Variants in RAB38 observed in about 807,000 individuals in gnomAD.
RAB38 encodes ras-related protein Rab-38.
In RAB38, 15 loss-of-function variants were observed where a neutral mutation model predicts 18.4. The observed-to-expected ratio is 0.82, with a 90% CI of 0.55 to 1.26. RAB38 has a LOEUF of 1.26. Ranked by LOEUF, RAB38 falls within the 50% of genes most tolerant of loss-of-function variation. RAB38 has a pLI of 0.00. For missense variants in RAB38, 294 were observed against 267.4 expected, an observed-to-expected ratio of 1.10 and a Z score of -0.69; for synonymous variants, 101 against 104.4, an observed-to-expected ratio of 0.97 and a Z score of 0.20.
At chr11:87,842,645 CTTGT>C in the RAB38 span, among the ~76,000 whole-genome samples, 1 of 152,076 alleles carries the variant, frequency 6.6e-6, no homozygotes, top group Non-Finnish European at 1.5e-5. Flanking sequence ...CAAAAATTAA[CTTGT>C]TTGTTATTTT....
At chr11:87,818,546 C>T in the RAB38 span, among the ~76,000 whole-genome samples, 1 of 152,104 alleles carries the variant, frequency 6.6e-6, no homozygotes, top group East Asian at 1.9e-4. Context: ...GACTCCAGAG[C>T]ATAGGCTTGA....
the RAB38 span, among the ~76,000 whole-genome samples, chr11:87,976,730 T>C: frequency 1.6e-4 from 19 of 118,594 alleles, no homozygotes; most frequent in Non-Finnish European, 2.4e-4. Context: ...ATATATTTTA[T>C]ATAATATATA....
intron 2 of RAB38, 102 bp from the exon 3 acceptor site, chr11:88,114,242 A>G: frequency 8.5e-7 from 1 of 1,179,532 alleles, no homozygotes; most frequent in Non-Finnish European, 1.2e-6. Flanking sequence ...TCCTTCCTAT[A>G]TGCTACATAT....
the RAB38 span, among the ~76,000 whole-genome samples, chr11:87,958,141 C>G: frequency 6.6e-6 from 1 of 152,086 alleles, no homozygotes; most frequent in African/African-American, 2.4e-5. Context: ...AGCCACTGCC[C>G]CCAGTCAGCC....
the RAB38 span, among the ~76,000 whole-genome samples, chr11:87,835,406 T>G: frequency 2.0e-5 from 3 of 152,290 alleles, no homozygotes; most frequent in Non-Finnish European, 4.4e-5. Context: ...AACTCCCTAC[T>G]GTCTCTATTT....
the RAB38 span, among the ~76,000 whole-genome samples, chr11:87,804,365 C>A: frequency 7.2e-5 from 11 of 152,112 alleles, no homozygotes; most frequent in African/African-American, 2.2e-4. Context: ...GTGTCTTCAG[C>A]ACTAGTCTTA....
rs78392971 is a variant in RAB38, at chr11:88,170,993, C to G, written c.202+4190G>C. 5.7e-3 allele frequency among the ~76,000 whole-genome samples: 869 copies of G among 152,304 alleles called. 4 individuals are homozygous for G. Among genetic ancestry groups the G allele is most frequent in the African/African-American group, 0.02 (832 of 41,548 alleles). ...GATCTCAGGCAACTCTCTTACCTCT[C>G]TCATTTTTTATCTTTTTAAATAAAA... On this transcript the variant is annotated intron_variant, in intron 1 of 2. Transcript: ENST00000243662.
At chr11:87,806,477 C>T in the RAB38 span, among the ~76,000 whole-genome samples, 3 of 152,138 alleles carry the variant, frequency 2.0e-5, no homozygotes, top group East Asian at 5.8e-4. Flanking sequence ...TCAAAGGCTC[C>T]ATTCTCTAAT....
chr11:87,833,344 C>T, the RAB38 span, among the ~76,000 whole-genome samples: 1 of 152,054 alleles, frequency 6.6e-6, no homozygotes, highest in Non-Finnish European at 1.5e-5. Flanking sequence ...GAGTCTTTTC[C>T]CATCTAGAAT....
the RAB38 span, among the ~76,000 whole-genome samples, chr11:87,938,728 G>A: frequency 1.3e-5 from 2 of 148,584 alleles, no homozygotes; most frequent in South Asian, 2.1e-4. Context: ...GTGACCATGC[G>A]CATTTCCAGA....
chr11:88,024,079 G>A, the RAB38 span, among the ~76,000 whole-genome samples: 1 of 151,984 alleles, frequency 6.6e-6, no homozygotes, highest in African/African-American at 2.4e-5. Context: ...TTTACATAGT[G>A]AAGGAAACAC....
the RAB38 span, among the ~76,000 whole-genome samples, chr11:87,876,617 A>G: frequency 1.3e-5 from 2 of 151,492 alleles, no homozygotes; most frequent in Admixed American, 1.3e-4. Context: ...GTTTGAGTCT[A>G]TGTCTCTTCT....
At chr11:88,079,264 G>T in the RAB38 span, among the ~76,000 whole-genome samples, 16 of 151,684 alleles carry the variant, frequency 1.1e-4, no homozygotes, top group African/African-American at 3.6e-4. Context: ...AAGTCCAACA[G>T]ACATTATCAG....
At chr11:87,949,757 G>A in the RAB38 span, among the ~76,000 whole-genome samples, 7 of 152,330 alleles carry the variant, frequency 4.6e-5, no homozygotes, top group Admixed American at 4.6e-4. Context: ...CTGAGAGACA[G>A]TTTGTTATAA....
At chr11:88,146,426 G>T (rs147921853) in intron 2 of RAB38, among the ~76,000 whole-genome samples, 1 of 152,144 alleles carries the variant, frequency 6.6e-6, no homozygotes, top group African/African-American at 2.4e-5. Flanking sequence ...TCACTCAAAA[G>T]GACTCTAATT....
chr11:87,937,311 CATATATATATATATATATAT>C, the RAB38 span, among the ~76,000 whole-genome samples: 113 of 82,684 alleles, frequency 1.4e-3, 2 homozygotes, highest in Non-Finnish European at 1.9e-3. Flanking sequence ...ACTTGGTCAT[CATATATATATATATATATAT>C]ATATATATAT....
chr11:88,161,021 C>A (rs1262201506), intron 1 of RAB38, among the ~76,000 whole-genome samples: 1 of 152,026 alleles, frequency 6.6e-6, no homozygotes, highest in Non-Finnish European at 1.5e-5. Flanking sequence ...ACCTCTATCT[C>A]CATTAGAATC....
the RAB38 span, among the ~76,000 whole-genome samples, chr11:87,945,270 G>A: frequency 0.06 from 9,184 of 152,162 alleles, 920 homozygotes; most frequent in African/African-American, 0.21. Flanking sequence ...GCTTAAACTC[G>A]TAGGCATTAA....
the RAB38 span, among the ~76,000 whole-genome samples, chr11:87,846,737 A>T: frequency 2.0e-5 from 3 of 152,218 alleles, no homozygotes; most frequent in South Asian, 6.2e-4. Context: ...ACTGAAGAAT[A>T]TATATTGGTC....
Sources: allele counts gnomAD v4.1 joint callset (sites outside exome capture counted in the v4.1 genomes callset), GRCh38; gene constraint gnomAD v4.1.1; transcripts MANE v1.5; gene names NCBI Gene and HGNC (gene_info 2026-07-23, HGNC 2026-07-21).